EDIL3: variants seen among roughly 807,000 people sequenced by gnomAD.
EDIL3 encodes EGF like and discoidin domains 3.
Under a neutral mutation model 67.4 loss-of-function variants are expected in EDIL3, and 37 were observed. That is an observed-to-expected ratio of 0.55 (90% CI 0.42 to 0.72). EDIL3 has a LOEUF of 0.72. Ranked by LOEUF, EDIL3 falls within the 30% of genes least tolerant of loss-of-function variation. The pLI, the probability that EDIL3 is intolerant of heterozygous loss-of-function variation, is 0.00. For synonymous variants in EDIL3, 195 were observed against 196.3 expected, an observed-to-expected ratio of 0.99 and a Z score of 0.05; for missense variants, 527 against 586.3, an observed-to-expected ratio of 0.90 and a Z score of 1.04.
intron 6 of EDIL3, among the ~76,000 whole-genome samples, chr5:84,070,869 TG>T (rs1561421764): frequency 6.6e-6 from 1 of 152,182 alleles, no homozygotes; most frequent in Admixed American, 6.5e-5. Context: ...TGTATGTTTG[TG>T]TAGCTGGGGT....
intron 2 of EDIL3, among the ~76,000 whole-genome samples, chr5:84,240,031 C>A (rs1374078547): frequency 6.6e-6 from 1 of 152,132 alleles, no homozygotes; most frequent in Non-Finnish European, 1.5e-5. Context: ...ACAGCTGTTT[C>A]TTCCAATAAC....
intron 4 of EDIL3, among the ~76,000 whole-genome samples, chr5:84,146,577 C>G (rs1748293118): frequency 6.6e-6 from 1 of 152,122 alleles, no homozygotes; most frequent in Non-Finnish European, 1.5e-5. Context: ...TTGGAATACA[C>G]TTTTCCCCAA....
At chr5:84,224,753 T>C (rs1391464937) in intron 3 of EDIL3, among the ~76,000 whole-genome samples, 2 of 151,548 alleles carry the variant, frequency 1.3e-5, no homozygotes, top group African/African-American at 2.4e-5. Flanking sequence ...CAGATAAATA[T>C]AGTAGCACAG....
chr5:84,165,702 A>G (rs1000017822), intron 4 of EDIL3, among the ~76,000 whole-genome samples: 2 of 152,126 alleles, frequency 1.3e-5, no homozygotes, highest in African/African-American at 4.8e-5. Flanking sequence ...GATAATCTTG[A>G]TGGAAAGCAC....
intron 4 of EDIL3, among the ~76,000 whole-genome samples, chr5:84,174,052 G>A (rs1292767462): frequency 6.6e-6 from 1 of 152,228 alleles, no homozygotes; most frequent in Non-Finnish European, 1.5e-5. Context: ...AAAGGAGACA[G>A]ATGAGGGGCC....
Position 83,956,138 on chromosome 5 carries a change from T to C in EDIL3, c.1293+7067A>G, listed in dbSNP as rs1410341059. On this transcript the variant is annotated intron_variant, in intron 10 of 10. Transcript: ENST00000296591. ...GTTCCATTCTACAGTTGCACTTACA[T>C]TGGGCACTAGCCCTCTCTCTGCTCA... 9.2e-5 allele frequency among the ~76,000 whole-genome samples: 14 copies of C among 151,706 alleles called. No individual in the cohort carries two copies. In the East Asian group the frequency reaches 9.8e-4, roughly 11 times the overall value.
At chr5:84,118,426 T>C (rs1292945545) in intron 5 of EDIL3, among the ~76,000 whole-genome samples, 2 of 152,172 alleles carry the variant, frequency 1.3e-5, no homozygotes, top group African/African-American at 2.4e-5. Flanking sequence ...AATTTACAAA[T>C]GCAGGTAATT....
At chr5:84,183,475 A>T (rs1272687763) in intron 3 of EDIL3, among the ~76,000 whole-genome samples, 1 of 152,184 alleles carries the variant, frequency 6.6e-6, no homozygotes, top group South Asian at 2.1e-4. Flanking sequence ...AAATAATTAC[A>T]GTCAAAAATT....
intron 5 of EDIL3, among the ~76,000 whole-genome samples, chr5:84,115,372 T>A (rs1303000188): frequency 6.6e-6 from 1 of 152,168 alleles, no homozygotes; most frequent in Non-Finnish European, 1.5e-5. Context: ...TTTAAATTAA[T>A]TGTTTTCAAT....
At chr5:84,010,463 T>A (rs545337210) in intron 9 of EDIL3, among the ~76,000 whole-genome samples, 1 of 152,270 alleles carries the variant, frequency 6.6e-6, no homozygotes, top group South Asian at 2.1e-4. Flanking sequence ...TTCTATTCTC[T>A]TCCAAAATTA....
At chr5:84,313,004 G>A (rs1746437645) in intron 1 of EDIL3, among the ~76,000 whole-genome samples, 1 of 152,108 alleles carries the variant, frequency 6.6e-6, no homozygotes, top group Non-Finnish European at 1.5e-5. Flanking sequence ...TGTTTTGAGT[G>A]GCATTCTGGT....
At chr5:84,317,280 T>C (rs1243322085) in intron 1 of EDIL3, among the ~76,000 whole-genome samples, 7 of 151,632 alleles carry the variant, frequency 4.6e-5, no homozygotes, top group East Asian at 1.9e-4. Flanking sequence ...CTGAAGGAGA[T>C]AGAGACACAA....
At chr5:84,044,539 T>A (rs1746187248) in intron 9 of EDIL3, among the ~76,000 whole-genome samples, 1 of 152,096 alleles carries the variant, frequency 6.6e-6, no homozygotes, top group Non-Finnish European at 1.5e-5. Flanking sequence ...CCTAATTAGA[T>A]CAGTTCAAAA....
chr5:84,117,020 A>ATTTTTTTTTTTTTT (rs34997139), intron 5 of EDIL3, among the ~76,000 whole-genome samples: 3 of 83,236 alleles, frequency 3.6e-5, no homozygotes, highest in African/African-American at 4.7e-5. Context: ...TTAAGTACTT[A>ATTTTTTTTTTTTTT]TTTTTTTTTT....
intron 3 of EDIL3, among the ~76,000 whole-genome samples, chr5:84,201,824 T>C (rs574816548): frequency 1.3e-4 from 20 of 152,124 alleles, no homozygotes; most frequent in Non-Finnish European, 2.4e-4. Context: ...ATCAGTTACA[T>C]GCCAAAATCC....
At chr5:84,011,607 G>A (rs150787868) in intron 9 of EDIL3, among the ~76,000 whole-genome samples, 17 of 152,202 alleles carry the variant, frequency 1.1e-4, no homozygotes, top group Admixed American at 3.3e-4. Context: ...CAAATCAAAG[G>A]TGGCTAAGAA....
intron 9 of EDIL3, among the ~76,000 whole-genome samples, chr5:84,047,237 C>G (rs1561413802): frequency 3.3e-5 from 5 of 151,858 alleles, no homozygotes; most frequent in Non-Finnish European, 1.5e-5. Context: ...TACTTTGGGC[C>G]TTTTTCATGA....
intron 1 of EDIL3, among the ~76,000 whole-genome samples, chr5:84,367,570 T>A (rs1747764905): frequency 2.0e-5 from 3 of 152,118 alleles, no homozygotes; most frequent in Admixed American, 2.0e-4. Flanking sequence ...TCACTTATGG[T>A]CAGGAGTACA....
intron 9 of EDIL3, among the ~76,000 whole-genome samples, chr5:83,992,495 A>G (rs1442969848): frequency 6.6e-6 from 1 of 152,210 alleles, no homozygotes; most frequent in Middle Eastern, 3.2e-3. Flanking sequence ...CTGTATAGAT[A>G]CTAATTAACA....
Sources: allele counts gnomAD v4.1 joint callset (sites outside exome capture counted in the v4.1 genomes callset), GRCh38; gene constraint gnomAD v4.1.1; transcripts MANE v1.5; gene names NCBI Gene and HGNC (gene_info 2026-07-23, HGNC 2026-07-21).